The following DNM1L variants were observed in gnomAD, a reference collection of about 807,000 sequenced individuals.
DNM1L encodes dynamin-1-like protein.
DNM1L carries 33 observed loss-of-function variants against 92.8 expected under a neutral mutation model. That is an observed-to-expected ratio of 0.36 (90% CI 0.27 to 0.48). The LOEUF (loss-of-function observed/expected upper bound fraction) is 0.48. Among genes scored for constraint, DNM1L ranks in the 20% least tolerant of loss-of-function variants. DNM1L has a pLI of 0.99. For synonymous variants in DNM1L, 284 were observed against 305.0 expected (o/e 0.93, Z 0.72); for missense variants, 485 against 888.8 (o/e 0.55, Z 5.78).
chr12:32,699,092 G>T (rs1312347627), intron 1 of DNM1L, among the ~76,000 whole-genome samples: 1 of 152,072 alleles, frequency 6.6e-6, no homozygotes, highest in Non-Finnish European at 1.5e-5. Context: ...GTTCTTAGGA[G>T]ATGCATGCCA....
At chr12:32,738,062 A>T in intron 15 of DNM1L, 120 bp downstream of exon 15, 1 of 1,149,484 alleles carries the variant, frequency 8.7e-7, no homozygotes, top group Non-Finnish European at 1.3e-6. Flanking sequence ...AGGTCAGATC[A>T]CTTTAGTCTA....
chr12:32,705,220 C>G (rs1001937849), intron 2 of DNM1L, among the ~76,000 whole-genome samples: 3 of 151,996 alleles, frequency 2.0e-5, no homozygotes, highest in African/African-American at 7.2e-5. Context: ...CCAGGCTGGT[C>G]TTGAACTCCT....
chr12:32,719,453 C>T (rs370877141), intron 7 of DNM1L, among the ~76,000 whole-genome samples: 22 of 152,144 alleles, frequency 1.4e-4, no homozygotes, highest in African/African-American at 4.3e-4. Context: ...TGGTTTTAAT[C>T]CCTGGCATTA....
At chr12:32,702,349 C>T (rs992963759) in intron 2 of DNM1L, among the ~76,000 whole-genome samples, 1 of 151,040 alleles carries the variant, frequency 6.6e-6, no homozygotes, top group Admixed American at 6.6e-5. Flanking sequence ...TTTTAAGTTG[C>T]TTACCAAATA....
intron 9 of DNM1L, among the ~76,000 whole-genome samples, chr12:32,724,586 AAAAAAAAATAT>A (rs1953985059): frequency 1.4e-5 from 1 of 69,646 alleles, no homozygotes; most frequent in African/African-American, 4.2e-5. Context: ...CAAAAAAAAA[AAAAAAAAATAT>A]ATATATATAT....
At chr12:32,679,587 G>A in intron 1 of DNM1L, 122 bp downstream of exon 1, 6 of 1,430,352 alleles carry the variant, frequency 4.2e-6, no homozygotes, top group Non-Finnish European at 4.7e-6. Context: ...GCCTGTGGGA[G>A]GAGGGCCTTG....
chr12:32,720,448 G>T (rs1024008036), intron 7 of DNM1L, among the ~76,000 whole-genome samples: 6 of 152,180 alleles, frequency 3.9e-5, no homozygotes, highest in Non-Finnish European at 1.5e-5. Context: ...TCTTGGCTAT[G>T]CCAGTTAGTG....
In DNM1L at chr12:32,731,293, C is replaced by CTTAA. The variant is rs1954539774; in HGVS notation, c.1201-62_1201-59dup. On this transcript the variant is annotated intron_variant, in intron 10 of 19. Transcript: ENST00000549701. The surrounding 1 kb of genome is among the most constrained non-coding windows in gnomAD (Gnocchi z 5.1). ...TGAAAAGTACCAAAAATGTGACTTTCTTAACCCTTGGGAAGAACTGAAATT... is the reference window on the plus strand; with the variant it reads ...TGAAAAGTACCAAAAATGTGACTTTCTTAATTAACCCTTGGGAAGAACTGAAATT... The CTTAA allele has an allele frequency of 6.2e-7, 1 of 1,607,268 alleles. No homozygotes were observed. The highest frequency in any genetic ancestry group is 8.5e-7 in the Non-Finnish European group (1 of 1,176,516).
chr12:32,728,582 AC>A (rs1191802395), intron 9 of DNM1L: 1 of 152,232 alleles, frequency 6.6e-6, no homozygotes, highest in Non-Finnish European at 1.5e-5. Flanking sequence ...GAGACCATTT[AC>A]ATTTATTTCA....
chr12:32,725,519 A>G (rs1423517476), intron 9 of DNM1L: 1 of 152,250 alleles, frequency 6.6e-6, no homozygotes, highest in Admixed American at 6.5e-5. Context: ...TATGTCACCT[A>G]TAACACAATA....
At chr12:32,695,635 A>T (rs1010599496) in intron 1 of DNM1L, among the ~76,000 whole-genome samples, 2 of 151,776 alleles carry the variant, frequency 1.3e-5, no homozygotes, top group African/African-American at 4.8e-5. Flanking sequence ...GCTGGATGTG[A>T]TGGTGTATGC....
intron 1 of DNM1L, among the ~76,000 whole-genome samples, chr12:32,696,748 C>A (rs1487550942): frequency 1.3e-5 from 2 of 151,538 alleles, no homozygotes; most frequent in African/African-American, 4.8e-5. Context: ...CCTCAGCCTC[C>A]TGAGTAGCTG....
intron 1 of DNM1L, among the ~76,000 whole-genome samples, chr12:32,683,342 A>G (rs1229055411): frequency 6.6e-6 from 1 of 151,516 alleles, no homozygotes; most frequent in African/African-American, 2.4e-5. Flanking sequence ...CTCTTGCCTC[A>G]GCCTCCTGAG....
At chr12:32,737,038 A>T in intron 13 of DNM1L, 67 bp from the exon 14 acceptor site, 1 of 1,561,746 alleles carries the variant, frequency 6.4e-7, no homozygotes, top group Non-Finnish European at 8.8e-7. Context: ...AATTAACATG[A>T]ACATTTTTTA....
chr12:32,693,087 A>G (rs568115978), intron 1 of DNM1L, among the ~76,000 whole-genome samples: 2 of 152,302 alleles, frequency 1.3e-5, no homozygotes, highest in African/African-American at 2.4e-5. Flanking sequence ...ACTGTAGGGT[A>G]TATTTATTGG....
intron 18 of DNM1L, 103 bp downstream of exon 18, chr12:32,740,621 T>A: frequency 1.9e-6 from 2 of 1,080,862 alleles, no homozygotes; most frequent in Non-Finnish European, 2.7e-6. Context: ...GTTTTTATTC[T>A]AAATCATCAA....
chr12:32,711,229 C>T (rs1314206914), intron 5 of DNM1L: 3 of 514,282 alleles, frequency 5.8e-6, no homozygotes, highest in Non-Finnish European at 1.0e-5. Context: ...CACTCCTTTT[C>T]AGTCTCTTTT....
rs573696363 is a variant in DNM1L, at chr12:32,726,662, G to C, written c.1079+4029G>C. 128 of 723,456 alleles carry C rather than the reference G, an allele frequency of 1.8e-4. 3 individuals carry two copies. In the South Asian group the frequency reaches 2.2e-3, roughly 12 times the overall value. 44.8% of individuals were successfully genotyped at this position (723,456 alleles called of 1,614,324 possible). On this transcript the variant is annotated intron_variant, in intron 9 of 19. Transcript: ENST00000549701. ...CTTCAGGAGGGGCAAGAAAATTAAA[G>C]AAAGAGTCATTGGAAACTGTTTTAG...
At chr12:32,727,483 C>G in intron 9 of DNM1L, 1 of 591,828 alleles carries the variant, frequency 1.7e-6, no homozygotes, top group South Asian at 2.2e-5. Context: ...AGAGGCAGCA[C>G]TGCAAGCAGA....
Sources: allele counts gnomAD v4.1 joint callset (sites outside exome capture counted in the v4.1 genomes callset), GRCh38; gene constraint gnomAD v4.1.1; non-coding constraint Gnocchi (gnomAD v3.1); transcripts MANE v1.5; gene names NCBI Gene and HGNC (gene_info 2026-07-23, HGNC 2026-07-21).